AGAP1: variants seen among roughly 807,000 people sequenced by gnomAD.
The protein encoded by AGAP1 is arf-GAP with GTPase, ANK repeat and PH domain-containing protein 1.
AGAP1 carries 29 observed loss-of-function variants against 105.3 expected under a neutral mutation model. The ratio of observed to expected loss-of-function variants is 0.28; its 90% CI spans 0.21 to 0.38. The LOEUF (loss-of-function observed/expected upper bound fraction) is 0.38. AGAP1 is among the 10% of genes least tolerant of loss of function. The pLI is 1.00. For missense variants in AGAP1, 998 were observed against 1,165.1 expected, an observed-to-expected ratio of 0.86 and a Z score of 2.09; for synonymous variants, 509 against 485.9, an observed-to-expected ratio of 1.05 and a Z score of -0.63.
chr2:235,523,841 G>A (rs1217193463), intron 1 of AGAP1, among the ~76,000 whole-genome samples: 1 of 151,594 alleles, frequency 6.6e-6, no homozygotes, highest in East Asian at 1.9e-4. Context: ...CGTAGCAGGG[G>A]GACGGTGGTC....
chr2:235,994,074 G>A lies in AGAP1; in HGVS notation c.1645+25451G>A, dbSNP rs547084846. On this transcript the variant is annotated intron_variant, in intron 13 of 17. Transcript: ENST00000304032. This position sits in a 1 kb window ranked among gnomAD's most constrained non-coding sequence, Gnocchi z 4.4. ...ACACCTTCCCCTGGGACCCCCATTG[G>A]CTGTGTGTCCCCCAGCTTCTAATTC... is the stretch of plus-strand genomic sequence containing the variant. 1.8e-4 allele frequency among the ~76,000 whole-genome samples: 28 copies of A among 152,194 alleles called. No individual in the cohort carries two copies. In the East Asian group the frequency reaches 3.5e-3, roughly 19 times the overall value.
intron 16 of AGAP1, among the ~76,000 whole-genome samples, chr2:236,110,812 G>T (rs1309970824): frequency 6.6e-6 from 1 of 151,508 alleles, no homozygotes; most frequent in African/African-American, 2.4e-5. Context: ...GTCCTCTGGG[G>T]CTGCTATAAC....
At chr2:235,942,545 A>C (rs10169370) in intron 12 of AGAP1, among the ~76,000 whole-genome samples, 97,617 of 151,174 alleles carry the variant, frequency 0.65, 33,292 homozygotes, top group African/African-American at 0.88. Context: ...GGCATGGTGG[A>C]ACATGCCTGT....
rs1419764089 is a variant in AGAP1 at position 235,988,769 on chromosome 2, C to G, written c.1645+20146C>G. On this transcript the variant is annotated intron_variant, in intron 13 of 17. Transcript: ENST00000304032. The surrounding 1 kb of genome is among the most constrained non-coding windows in gnomAD (Gnocchi z 4.7). ...AGATTGCACTTCAGAATCGGTGATG[C>G]GCACTCATTCCCCTGCACCCACCCT... 6.6e-6 allele frequency among the ~76,000 whole-genome samples: 1 copy of G among 152,244 alleles called. No individual in the cohort carries two copies.
chr2:235,598,514 A>G (rs116415416), intron 1 of AGAP1, among the ~76,000 whole-genome samples: 6,020 of 152,282 alleles, frequency 0.04, 169 homozygotes, highest in Non-Finnish European at 0.063. Context: ...TTTCGTTTAA[A>G]GTTGCTGTTT....
At position 236,059,059 on chromosome 2, in the gene AGAP1, G is replaced by A. The variant is rs537098796; in HGVS notation, c.2114+9778G>A. ...AAAATCAAAAAGGCCAGGTGCAGTGGCTCATACCTTAAATCCCAATGTTTT... is the reference window on the plus strand; with the variant it reads ...AAAATCAAAAAGGCCAGGTGCAGTGACTCATACCTTAAATCCCAATGTTTT... On this transcript the variant is annotated intron_variant, in intron 16 of 17. Coordinates refer to ENST00000304032, the MANE Select transcript of AGAP1 (RefSeq NM_001037131.3). 1.5e-3 allele frequency among the ~76,000 whole-genome samples: 223 copies of A among 152,092 alleles called. 1 individual carries two copies. The highest frequency in any genetic ancestry group is 1.8e-3 in the Non-Finnish European group (121 of 68,014).
rs1950510303 is a variant in AGAP1 at position 235,705,898 on chromosome 2, TAGAA to T, written c.164-3278_164-3275del. On this transcript the variant is annotated intron_variant, in intron 1 of 17. Transcript: ENST00000304032. The surrounding 1 kb of genome is among the most constrained non-coding windows in gnomAD (Gnocchi z 4.9). ...ATTTATAATGAATATTTTATATTGTTAGAAAGTTAATCTTATGGTGGTATGTGTT... is the reference window on the plus strand; with the variant it reads ...ATTTATAATGAATATTTTATATTGTTAGTTAATCTTATGGTGGTATGTGTT... Among the ~76,000 whole-genome samples, 1 of 152,242 alleles carries T rather than the reference TAGAA, an allele frequency of 6.6e-6. No individual in the cohort carries two copies. The highest frequency in any genetic ancestry group is 1.5e-5 in the Non-Finnish European group (1 of 68,056).
intron 1 of AGAP1, among the ~76,000 whole-genome samples, chr2:235,632,428 G>T (rs1946858895): frequency 6.6e-6 from 1 of 152,168 alleles, no homozygotes; most frequent in Non-Finnish European, 1.5e-5. Flanking sequence ...TGGAGCCCCT[G>T]TTTCGCCACG....
At chr2:235,825,814 G>C (rs111440648) in intron 9 of AGAP1, among the ~76,000 whole-genome samples, 6 of 152,326 alleles carry the variant, frequency 3.9e-5, no homozygotes, top group African/African-American at 1.4e-4. Flanking sequence ...ACAGCAGGGT[G>C]ACTTTAGTCA....
At chr2:235,915,659 G>A (rs1328195738) in intron 11 of AGAP1, among the ~76,000 whole-genome samples, 11 of 152,278 alleles carry the variant, frequency 7.2e-5, no homozygotes, top group African/African-American at 2.4e-4. Context: ...GGGCAACAGA[G>A]TGAGGCCTGT....
intron 16 of AGAP1, among the ~76,000 whole-genome samples, chr2:236,088,032 C>T (rs547697389): frequency 6.6e-6 from 1 of 152,280 alleles, no homozygotes; most frequent in African/African-American, 2.4e-5. Flanking sequence ...TGGCAGGACT[C>T]CCTCCTGAGC....
chr2:235,906,049 C>T lies in AGAP1; in HGVS notation c.1156-2689C>T, dbSNP rs893587427. 3.3e-5 allele frequency among the ~76,000 whole-genome samples: 5 copies of T among 152,188 alleles called. No individual in the cohort carries two copies. The highest frequency in any genetic ancestry group is 2.1e-4 in the South Asian group (1 of 4,830). On this transcript the variant is annotated intron_variant, in intron 10 of 17. Transcript: ENST00000304032. The surrounding 1 kb of genome is among the most constrained non-coding windows in gnomAD (Gnocchi z 5.3). ...GTTCCCAGCCCAGATACCACCCTCC[C>T]GTTACCCGAACCCACCATGACAGCT...
rs1054622251 is a variant in AGAP1 at position 235,620,444 on chromosome 2, C to T, written c.164-88735C>T. Among the ~76,000 whole-genome samples the T allele has an allele frequency of 1.3e-5, 2 of 152,194 alleles. No homozygotes were observed. The highest frequency in any genetic ancestry group is 4.8e-5 in the African/African-American group (2 of 41,458). ...TGCCACTCTCCCCTTGCTCATGGCT[C>T]TGCTGATCCTTCAACCAAATGCATG... On this transcript the variant is annotated intron_variant, in intron 1 of 17. Transcript: ENST00000304032. The surrounding 1 kb of genome is among the most constrained non-coding windows in gnomAD (Gnocchi z 4.5).
chr2:235,771,904 T>C lies in AGAP1; in HGVS notation c.673+21416T>C, dbSNP rs549968510. On this transcript the variant is annotated intron_variant, in intron 6 of 17. Coordinates refer to ENST00000304032, the MANE Select transcript of AGAP1 (RefSeq NM_001037131.3). ...CGAGGCCTGTGACAAAAAATTCAGA[T>C]GGAATTACATAACTGTTCTGTTTAG... Among the ~76,000 whole-genome samples, 21 of 152,294 alleles carry C rather than the reference T, an allele frequency of 1.4e-4. No homozygotes were observed. In the South Asian group the frequency reaches 4.4e-3, roughly 32 times the overall value.
chr2:235,500,025 T>TG (rs1213070748), intron 1 of AGAP1, among the ~76,000 whole-genome samples: 2 of 152,024 alleles, frequency 1.3e-5, no homozygotes, highest in Non-Finnish European at 2.9e-5. Context: ...AGACACCTTT[T>TG]GGATTTGGTG....
chr2:235,983,275 C>T lies in AGAP1; in HGVS notation c.1645+14652C>T, dbSNP rs2055171672. Among the ~76,000 whole-genome samples the T allele has an allele frequency of 6.6e-6, 1 of 152,150 alleles. No individual in the cohort carries two copies. The highest frequency in any genetic ancestry group is 2.1e-4 in the South Asian group (1 of 4,824). ...GCTGCAGGGAACATGGCTGGGAGGG[C>T]ATCCACCGGGGCAGGGGTCTGGGCA... is the stretch of plus-strand genomic sequence containing the variant. On this transcript the variant is annotated intron_variant, in intron 13 of 17. Coordinates refer to ENST00000304032, the MANE Select transcript of AGAP1 (RefSeq NM_001037131.3). The surrounding 1 kb of genome is among the most constrained non-coding windows in gnomAD (Gnocchi z 4.5).
intron 13 of AGAP1, among the ~76,000 whole-genome samples, chr2:236,010,772 C>T (rs2056483149): frequency 6.6e-6 from 1 of 152,234 alleles, no homozygotes. Context: ...TGTTATATTA[C>T]ACAAGGATAA....
At chr2:235,536,089 A>G (rs1272729020) in intron 1 of AGAP1, among the ~76,000 whole-genome samples, 1 of 145,496 alleles carries the variant, frequency 6.9e-6, no homozygotes, top group Non-Finnish European at 1.5e-5. Flanking sequence ...CGGCTTTCTC[A>G]CGATTTCCTC....
rs74271946 is a variant in AGAP1, at chr2:236,084,566, C to T, written c.2114+35285C>T. ...CTGTTTGGATATAAATCATTGAAAC[C>T]TTGAAACAAATCTGTCATTCTATTC... On this transcript the variant is annotated intron_variant, in intron 16 of 17. Coordinates refer to ENST00000304032, the MANE Select transcript of AGAP1 (RefSeq NM_001037131.3). Among the ~76,000 whole-genome samples the T allele has an allele frequency of 6.8e-4, 104 of 152,254 alleles. 1 individual carries two copies. In the East Asian group the frequency reaches 0.018, roughly 26 times the overall value.
Sources: allele counts gnomAD v4.1 joint callset (sites outside exome capture counted in the v4.1 genomes callset), GRCh38; gene constraint gnomAD v4.1.1; non-coding constraint Gnocchi (gnomAD v3.1); transcripts MANE v1.5; gene names NCBI Gene and HGNC (gene_info 2026-07-23, HGNC 2026-07-21).